The following BMPR1A variants were observed in gnomAD, a reference collection of about 807,000 sequenced individuals.
The protein encoded by BMPR1A is bone morphogenetic protein receptor type-1A.
In BMPR1A, 7 loss-of-function variants were observed where a neutral mutation model predicts 66.0. The ratio of observed to expected loss-of-function variants is 0.11; its 90% confidence interval spans 0.06 to 0.20. BMPR1A has a LOEUF of 0.20. Among genes scored for constraint, BMPR1A ranks in the 10% least tolerant of loss-of-function variants. BMPR1A has a pLI of 1.00. For missense variants in BMPR1A, 408 were observed against 669.1 expected, an observed-to-expected ratio of 0.61 and a Z score of 4.31; for synonymous variants, 200 against 229.7, an observed-to-expected ratio of 0.87 and a Z score of 1.17.
At chr10:86,919,531 T>C in intron 10 of BMPR1A, 62 bp downstream of exon 10, 1 of 1,584,862 alleles carries the variant, frequency 6.3e-7, no homozygotes, top group Non-Finnish European at 8.7e-7. Context: ...TATTTCCCTA[T>C]TTGTATTCAA....
At chr10:86,804,573 G>A (rs1378565598) in intron 1 of BMPR1A, among the ~76,000 whole-genome samples, 1 of 152,066 alleles carries the variant, frequency 6.6e-6, no homozygotes, top group Non-Finnish European at 1.5e-5. Flanking sequence ...CAAATTTATG[G>A]TCTGAGGTAC....
rs1367354764 is a variant in BMPR1A at position 86,790,181 on chromosome 10, A to T, written c.-268+33262A>T. On this transcript the variant is annotated intron_variant, in intron 1 of 12. Transcript: ENST00000372037. ...TGTCTCCAAAAAAAAAAAAAAAAAAAAAAAAAAATATATATATATATATAT... is the reference window on the plus strand; with the variant it reads ...TGTCTCCAAAAAAAAAAAAAAAAAATAAAAAAAATATATATATATATATAT... 2.4e-4 allele frequency among the ~76,000 whole-genome samples: 10 copies of T among 42,382 alleles called. 1 individual carries two copies. The highest frequency in any genetic ancestry group is 1.4e-3 in the African/African-American group (10 of 7,040). 27.8% of individuals were successfully genotyped at this position (42,382 alleles called of 152,430 possible). A position where few individuals can be genotyped will look rare whatever the true frequency, so the allele number is the denominator to read the frequency against.
chr10:86,889,602 A>C (rs1386136664), intron 3 of BMPR1A: 1 of 170,498 alleles, frequency 5.9e-6, no homozygotes, highest in African/African-American at 2.4e-5. Flanking sequence ...GACCACGGTC[A>C]CGAAGGTGGT....
chr10:86,867,010 G>T (rs76574067), intron 2 of BMPR1A, among the ~76,000 whole-genome samples: 6,303 of 152,214 alleles, frequency 0.041, 299 homozygotes, highest in African/African-American at 0.11. Flanking sequence ...TGCTAAGCAG[G>T]TACCATTAAA....
intron 3 of BMPR1A, among the ~76,000 whole-genome samples, chr10:86,888,191 C>T (rs1484980814): frequency 1.3e-5 from 2 of 149,952 alleles, no homozygotes; most frequent in African/African-American, 4.9e-5. Flanking sequence ...TGGCCGGGCA[C>T]GGTGGCTCAT....
intron 2 of BMPR1A, among the ~76,000 whole-genome samples, chr10:86,857,154 TCTTC>T (rs1842654108): frequency 6.6e-6 from 1 of 152,170 alleles, no homozygotes; most frequent in Non-Finnish European, 1.5e-5. Flanking sequence ...TTCTCTCCTT[TCTTC>T]CTTAGAGGCT....
intron 3 of BMPR1A, among the ~76,000 whole-genome samples, chr10:86,880,437 A>T (rs1377086097): frequency 6.6e-6 from 1 of 152,174 alleles, no homozygotes; most frequent in Non-Finnish European, 1.5e-5. Context: ...GTCAGTATTT[A>T]TTCATCTTTA....
rs1163006358 is a variant in BMPR1A, at chr10:86,925,719, A to ATATTTTTTTTTT, written c.*2001_*2002insATTTTTTTTTTT. On this transcript the variant is annotated 3_prime_UTR_variant, in exon 13 of 13. Coordinates refer to ENST00000372037, the MANE Select transcript of BMPR1A (RefSeq NM_004329.3). Reference sequence around the variant, plus strand: ...ACCATAATCTTTAAAATCATTTGTCATCTTTTTTTTTTTTTTTTTGAGACG... The same window carrying ATATTTTTTTTTT: ...ACCATAATCTTTAAAATCATTTGTCATATTTTTTTTTTTCTTTTTTTTTTTTTTTTTGAGACG... 1.6e-5 allele frequency: 2 copies of ATATTTTTTTTTT among 123,500 alleles called. No homozygotes were observed. The highest frequency in any genetic ancestry group is 1.4e-5 in the Non-Finnish European group (1 of 69,532). The allele number at this position is 123,500 out of a possible 1,614,324, so 7.7% of individuals were successfully genotyped here.
intron 1 of BMPR1A, among the ~76,000 whole-genome samples, chr10:86,762,319 C>T (rs1043095389): frequency 2.6e-5 from 4 of 152,154 alleles, no homozygotes; most frequent in Admixed American, 1.3e-4. Context: ...TCGAGAACTC[C>T]TTGTATGGTC....
intron 2 of BMPR1A, among the ~76,000 whole-genome samples, chr10:86,856,920 A>G (rs1357231373): frequency 6.6e-6 from 1 of 152,216 alleles, no homozygotes. Context: ...CACTTTAATT[A>G]TGAAGAATAC....
At chr10:86,861,700 G>A (rs1264726269) in intron 2 of BMPR1A, among the ~76,000 whole-genome samples, 1 of 152,174 alleles carries the variant, frequency 6.6e-6, no homozygotes, top group Non-Finnish European at 1.5e-5. Context: ...TTAGATTTGG[G>A]GATGTGGTGT....
At chr10:86,860,402 TA>T (rs1425752708) in intron 2 of BMPR1A, among the ~76,000 whole-genome samples, 1 of 152,104 alleles carries the variant, frequency 6.6e-6, no homozygotes, top group African/African-American at 2.4e-5. Flanking sequence ...TTCTTTGAAA[TA>T]AAAGGCAAGT....
chr10:86,795,535 A>G (rs1841696318), intron 1 of BMPR1A, among the ~76,000 whole-genome samples: 1 of 152,158 alleles, frequency 6.6e-6, no homozygotes, highest in Non-Finnish European at 1.5e-5. Context: ...AGAGAAGGAA[A>G]AGAGATCAGG....
intron 8 of BMPR1A, among the ~76,000 whole-genome samples, chr10:86,916,303 G>C (rs1000008617): frequency 6.6e-6 from 1 of 152,212 alleles, no homozygotes; most frequent in Non-Finnish European, 1.5e-5. Context: ...CCAAAACTTA[G>C]TGATGTGAAG....
intron 1 of BMPR1A, among the ~76,000 whole-genome samples, chr10:86,805,689 CT>C (rs1488658986): frequency 6.6e-6 from 1 of 152,194 alleles, no homozygotes; most frequent in East Asian, 1.9e-4. Flanking sequence ...TCTCGATCTT[CT>C]GACCTCATGA....
chr10:86,890,962 C>CA (rs1366179784), intron 4 of BMPR1A, among the ~76,000 whole-genome samples: 1 of 151,538 alleles, frequency 6.6e-6, no homozygotes, highest in Non-Finnish European at 1.5e-5. Context: ...TTAATAAGAC[C>CA]AAAAAAAATT....
chr10:86,804,697 C>T (rs924863375), intron 1 of BMPR1A, among the ~76,000 whole-genome samples: 6 of 151,488 alleles, frequency 4.0e-5, no homozygotes, highest in African/African-American at 1.5e-4. Context: ...CAGTGAATAA[C>T]CCAAGTATTT....
At chr10:86,808,510 TGTAACGTCAA>T (rs1841922900) in intron 1 of BMPR1A, among the ~76,000 whole-genome samples, 2 of 152,222 alleles carry the variant, frequency 1.3e-5, no homozygotes, top group South Asian at 4.1e-4. Flanking sequence ...ACTTATTTCA[TGTAACGTCAA>T]TTCACCGAAA....
intron 1 of BMPR1A, among the ~76,000 whole-genome samples, chr10:86,793,094 AC>A (rs142292233): frequency 0.019 from 2,014 of 106,034 alleles, 31 homozygotes; most frequent in South Asian, 0.063. Context: ...CCTGATCTAT[AC>A]CCCCCCCCAC....
Sources: gnomAD v4.1 joint callset for allele counts (sites outside exome capture counted in the v4.1 genomes callset) on GRCh38, gnomAD v4.1.1 for gene constraint, MANE v1.5 for transcripts, NCBI Gene and HGNC (gene_info 2026-07-23, HGNC 2026-07-21) for gene names.